Variants in BBX observed in about 807,000 individuals in gnomAD.
BBX encodes the protein BBX high mobility group box domain containing.
BBX carries 30 observed loss-of-function variants against 100.2 expected under a neutral mutation model. The observed-to-expected ratio is 0.30, with a 90% CI of 0.22 to 0.41. The LOEUF (loss-of-function observed/expected upper bound fraction) is 0.41, where lower values mean the gene tolerates loss of function less well. Ranked by LOEUF, BBX falls within the 10% of genes least tolerant of loss-of-function variation. BBX has a pLI of 1.00. For synonymous variants in BBX, 376 were observed against 388.1 expected (o/e 0.97, Z 0.37); for missense variants, 1,023 against 1,129.8 (o/e 0.91, Z 1.35).
intron 3 of BBX, among the ~76,000 whole-genome samples, chr3:107,667,742 G>A (rs577247950): frequency 1.3e-5 from 2 of 151,990 alleles, no homozygotes; most frequent in East Asian, 3.9e-4. Context: ...CAGCATTGAG[G>A]TTTATGTAAT....
chr3:107,743,918 G>GTTTTTTTTTTTTTTTTTTTTTTTTTATTT (rs34762783), intron 7 of BBX, among the ~76,000 whole-genome samples: 46 of 56,622 alleles, frequency 8.1e-4, no homozygotes, highest in East Asian at 3.2e-3. Context: ...TGTTTTAGTG[G>GTTTTTTTTTTTTTTTTTTTTTTTTTATTT]TTTTTTTTTT....
chr3:107,643,478 A>G (rs775510034), intron 2 of BBX, among the ~76,000 whole-genome samples: 13 of 152,048 alleles, frequency 8.5e-5, no homozygotes, highest in Non-Finnish European at 1.3e-4. Flanking sequence ...CTAGCGAGGC[A>G]GTGGAGCTAA....
chr3:107,798,474 G>A, intron 15 of BBX, 49 bp from the exon 16 acceptor site: 1 of 1,548,246 alleles, frequency 6.5e-7, no homozygotes, highest in Non-Finnish European at 8.9e-7. Context: ...GAGCAATTTT[G>A]GTGCCTTCTG....
chr3:107,615,276 G>A (rs2055165072), intron 2 of BBX, among the ~76,000 whole-genome samples: 1 of 152,186 alleles, frequency 6.6e-6, no homozygotes, highest in South Asian at 2.1e-4. Context: ...CCAGACACCA[G>A]CTTGAGCATC....
chr3:107,618,748 C>T (rs1445586075), intron 2 of BBX, among the ~76,000 whole-genome samples: 1 of 151,986 alleles, frequency 6.6e-6, no homozygotes, highest in Admixed American at 6.6e-5. Flanking sequence ...GCCCTTGTGA[C>T]TAGGGGAGCC....
intron 2 of BBX, among the ~76,000 whole-genome samples, chr3:107,558,504 A>G (rs962739468): frequency 6.6e-6 from 1 of 151,512 alleles, no homozygotes; most frequent in South Asian, 2.1e-4. Context: ...AACAAAAAAC[A>G]GGGGGCTATC....
At chr3:107,743,859 T>A (rs2064319231) in intron 7 of BBX, among the ~76,000 whole-genome samples, 2 of 151,386 alleles carry the variant, frequency 1.3e-5, no homozygotes, top group African/African-American at 4.8e-5. Flanking sequence ...ATAAGAGTAT[T>A]AACAGTACTT....
At chr3:107,527,223 C>T (rs912826083) in intron 2 of BBX, among the ~76,000 whole-genome samples, 2 of 150,276 alleles carry the variant, frequency 1.3e-5, no homozygotes, top group Admixed American at 1.3e-4. Context: ...GTTTGCCCCT[C>T]CATTGTAAAG....
At chr3:107,637,506 G>C (rs2056922328) in intron 2 of BBX, among the ~76,000 whole-genome samples, 1 of 152,220 alleles carries the variant, frequency 6.6e-6, no homozygotes, top group Admixed American at 6.5e-5. Flanking sequence ...TACAGGGCAA[G>C]TGTACTGACC....
chr3:107,537,495 G>A (rs1026660020), intron 2 of BBX, among the ~76,000 whole-genome samples: 15 of 152,164 alleles, frequency 9.9e-5, no homozygotes, highest in Admixed American at 2.6e-4. Context: ...CCGAAAAGGG[G>A]AAAATGTGTT....
rs532143177 is a variant in BBX, at chr3:107,778,414, C to T, written c.2098C>T (p.Leu700Phe). ...AGAATTTGAAAAAAAATTCAACAGCCTCCCTCAATATAGTCCTGTTACATT... is the reference window on the plus strand; with the variant it reads ...AGAATTTGAAAAAAAATTCAACAGCTTCCCTCAATATAGTCCTGTTACATT... ...DEEFEKKFNS[L>F]PQYSPVTFDR... The change falls in exon 13 of 18, where the codon CTC (leucine) becomes TTC (phenylalanine). Residue 700 changes from leucine (L) to phenylalanine (F), a missense_variant. Around this residue, in one of 9 missense-constraint regions of BBX, gnomAD observed 215 missense variants for 211.3 expected, o/e 1.02. Coordinates refer to ENST00000325805, the MANE Select transcript of BBX (RefSeq NM_001142568.3). The T allele has an allele frequency of 3.7e-6, 6 of 1,613,374 alleles. No homozygotes were observed. Among genetic ancestry groups the T allele is most frequent in the East Asian group, 4.5e-5 (2 of 44,852 alleles).
In BBX at chr3:107,806,354, C is replaced by T. The variant is rs1289988418; in HGVS notation, c.*897C>T. 2 of 152,148 alleles carry T rather than the reference C, an allele frequency of 1.3e-5. No individual in the cohort carries two copies. The highest frequency in any genetic ancestry group is 3.9e-4 in the East Asian group (2 of 5,188). 9.4% of individuals were successfully genotyped at this position (152,148 alleles called of 1,614,324 possible). On this transcript the variant is annotated 3_prime_UTR_variant, in exon 18 of 18. Transcript: ENST00000325805. The stretch of plus-strand genomic sequence containing the variant: ...TTGTTCATACAAACAAAAAAAAAGA[C>T]AAAAATATTATTCAGAAGTGACCTT...
chr3:107,565,465 TTATTTATTTATTTATG>T (rs1300126180), intron 2 of BBX, among the ~76,000 whole-genome samples: 2 of 148,386 alleles, frequency 1.3e-5, no homozygotes, highest in African/African-American at 5.0e-5. Context: ...ATTTATTTAT[TTATTTATTTATTTATG>T]TATGTTTGAG....
chr3:107,707,200 G>T (rs1350387883), intron 3 of BBX, among the ~76,000 whole-genome samples: 3 of 152,130 alleles, frequency 2.0e-5, no homozygotes, highest in Admixed American at 2.0e-4. Context: ...CCTGTACTAG[G>T]GGTTGCCAGC....
chr3:107,696,816 C>G (rs1381276409), intron 3 of BBX, among the ~76,000 whole-genome samples: 2 of 151,538 alleles, frequency 1.3e-5, no homozygotes, highest in African/African-American at 2.4e-5. Flanking sequence ...TCCATTCTCC[C>G]CGTCACTTTC....
intron 3 of BBX, among the ~76,000 whole-genome samples, chr3:107,692,300 T>A (rs768407374): frequency 9.9e-5 from 15 of 152,046 alleles, no homozygotes; most frequent in Non-Finnish European, 1.9e-4. Flanking sequence ...ACCTACTAAC[T>A]CGTCATCTAG....
At chr3:107,690,330 T>C (rs906151906) in intron 3 of BBX, among the ~76,000 whole-genome samples, 1 of 152,176 alleles carries the variant, frequency 6.6e-6, no homozygotes, top group African/African-American at 2.4e-5. Flanking sequence ...GTGAAAGCAT[T>C]CTCTCCCTCT....
chr3:107,773,746 C>T lies in BBX; in HGVS notation c.1915+110C>T. 1 of 935,498 alleles carries T rather than the reference C, an allele frequency of 1.1e-6. No homozygotes were observed. Among genetic ancestry groups the T allele is most frequent in the Non-Finnish European group, 1.6e-6 (1 of 636,230 alleles). The allele number at this position is 935,498 out of a possible 1,614,324, so 57.9% of individuals were successfully genotyped here. A position where few individuals can be genotyped will look rare whatever the true frequency, so the allele number is the denominator to read the frequency against. On this transcript the variant is annotated intron_variant, in intron 11 of 17. Transcript: ENST00000325805. This position sits in a 1 kb window ranked among gnomAD's most constrained non-coding sequence, Gnocchi z 4.1. ...AAACAATATGGTATCAAAATAATAC[C>T]TTACATTTGTATATTTCTTTATGGT...
At chr3:107,569,531 C>G (rs940049044) in intron 2 of BBX, among the ~76,000 whole-genome samples, 2 of 151,870 alleles carry the variant, frequency 1.3e-5, no homozygotes, top group Admixed American at 1.3e-4. Context: ...TGGAAAATTA[C>G]TGGGGAAAAG....
Sources: gnomAD v4.1 joint callset for allele counts (sites outside exome capture counted in the v4.1 genomes callset) on GRCh38, gnomAD v4.1.1 for gene constraint, gnomAD v4.1.1 regional missense constraint, Gnocchi (gnomAD v3.1) non-coding constraint, MANE v1.5 for transcripts, NCBI Gene and HGNC (gene_info 2026-07-23, HGNC 2026-07-21) for gene names.